VPS13B: variants seen among roughly 807,000 people sequenced by gnomAD.
VPS13B encodes the protein vacuolar protein sorting 13 homolog B.
A neutral mutation model predicts 426.4 loss-of-function variants in VPS13B; 285 were observed. The observed-to-expected ratio is 0.67, with a 90% CI of 0.61 to 0.74. The LOEUF (loss-of-function observed/expected upper bound fraction) is 0.74. Among genes scored for constraint, VPS13B ranks in the 30% least tolerant of loss-of-function variants. VPS13B has a pLI of 0.00. For synonymous variants in VPS13B, 1,676 were observed against 1,676.4 expected (o/e 1.00, Z 0.01); for missense variants, 4,537 against 4,782.6 (o/e 0.95, Z 1.51).
intron 3 of VPS13B, among the ~76,000 whole-genome samples, chr8:99,084,197 G>C (rs1372596306): frequency 6.6e-6 from 1 of 151,750 alleles, no homozygotes; most frequent in East Asian, 1.9e-4. Flanking sequence ...AGGGTGTGTC[G>C]AGGAATTTAT....
chr8:99,586,185 G>C (rs1268599391), intron 33 of VPS13B, among the ~76,000 whole-genome samples: 3 of 152,110 alleles, frequency 2.0e-5, no homozygotes, highest in Non-Finnish European at 2.9e-5. Context: ...CTTCCTGTTT[G>C]TTAAAACAGG....
intron 15 of VPS13B, among the ~76,000 whole-genome samples, 160 bp downstream of exon 15, chr8:99,156,903 A>G (rs941668474): frequency 3.9e-5 from 6 of 152,230 alleles, no homozygotes; most frequent in African/African-American, 1.4e-4. Context: ...AATTAAAGTA[A>G]GTAATAAAAA....
intron 30 of VPS13B, among the ~76,000 whole-genome samples, chr8:99,535,950 A>ATT (rs766421706): frequency 5.6e-5 from 8 of 143,664 alleles, no homozygotes; most frequent in African/African-American, 1.5e-4. Context: ...TTTAATCCAA[A>ATT]TTTTTTTTTT....
At chr8:99,246,104 A>T (rs1343709913) in intron 17 of VPS13B, among the ~76,000 whole-genome samples, 1 of 152,128 alleles carries the variant, frequency 6.6e-6, no homozygotes, top group Admixed American at 6.5e-5. Context: ...ACATGGTTCC[A>T]CTCCATTCTT....
At chr8:99,071,485 A>G (rs371110475) in intron 3 of VPS13B, among the ~76,000 whole-genome samples, 4 of 152,190 alleles carry the variant, frequency 2.6e-5, no homozygotes, top group East Asian at 3.9e-4. Flanking sequence ...ACAAGCATCC[A>G]TGTGGCCACC....
chr8:99,389,098 A>G (rs1487339620), intron 20 of VPS13B, among the ~76,000 whole-genome samples: 3 of 152,082 alleles, frequency 2.0e-5, no homozygotes, highest in East Asian at 1.9e-4. Flanking sequence ...GCAGTGAACC[A>G]AGATTGCACC....
intron 3 of VPS13B, among the ~76,000 whole-genome samples, chr8:99,042,069 G>A (rs1269436985): frequency 6.6e-6 from 1 of 151,792 alleles, no homozygotes; most frequent in Non-Finnish European, 1.5e-5. Context: ...GAACCCAGGA[G>A]GCGGAGGTTG....
At chr8:99,140,961 C>T (rs551079216) in intron 12 of VPS13B, among the ~76,000 whole-genome samples, 186 of 151,954 alleles carry the variant, frequency 1.2e-3, no homozygotes, top group Non-Finnish European at 1.4e-3. Context: ...TAATGACTAC[C>T]TTTCTAGTCT....
At position 99,431,384 on chromosome 8, in the gene VPS13B, A is replaced by G. The variant is rs1817103019; in HGVS notation, c.3083-153A>G. 7.6e-6 allele frequency: 8 copies of G among 1,055,016 alleles called. No homozygotes were observed. In the East Asian group the frequency reaches 8.0e-5, roughly 11 times the overall value. 65.4% of individuals were successfully genotyped at this position (1,055,016 alleles called of 1,614,324 possible). A position where few individuals can be genotyped will look rare whatever the true frequency, so the allele number is the denominator to read the frequency against. The stretch of plus-strand genomic sequence containing the variant: ...TTGAATACTTGCAAAAATCAGTTCT[A>G]TAAGAGAAAATGATGTAAAATGACA... On this transcript the variant is annotated intron_variant, in intron 21 of 61. Coordinates refer to ENST00000357162, the MANE Select transcript of VPS13B (RefSeq NM_152564.5).
chr8:99,454,295 C>T (rs1818343718), intron 23 of VPS13B, among the ~76,000 whole-genome samples: 1 of 152,090 alleles, frequency 6.6e-6, no homozygotes, highest in African/African-American at 2.4e-5. Flanking sequence ...AGTAATCCTC[C>T]TGAGGAGGAC....
intron 4 of VPS13B, among the ~76,000 whole-genome samples, chr8:99,099,369 T>C (rs1254884851): frequency 6.6e-6 from 1 of 152,200 alleles, no homozygotes; most frequent in Non-Finnish European, 1.5e-5. Context: ...GACTACGATG[T>C]TTTTATGTAC....
intron 15 of VPS13B, among the ~76,000 whole-genome samples, chr8:99,165,344 A>G (rs1374449307): frequency 1.3e-5 from 2 of 152,056 alleles, no homozygotes; most frequent in South Asian, 2.1e-4. Context: ...TCTCCCCGAG[A>G]GATGACACTT....
chr8:99,033,917 A>G lies in VPS13B; in HGVS notation c.148-4506A>G, dbSNP rs138832265. ...TCTCAAAAAAAAAAATTATTTGTAT[A>G]TGGTTTCCCTTATTTCTTTGAACAT... On this transcript the variant is annotated intron_variant, in intron 2 of 61. Transcript: ENST00000357162. Among the ~76,000 whole-genome samples, 926 of 152,200 alleles carry G rather than the reference A, an allele frequency of 6.1e-3. 13 individuals carry two copies. Among genetic ancestry groups the G allele is most frequent in the African/African-American group, 0.021 (880 of 41,522 alleles).
At chr8:99,756,959 G>A (rs1339534454) in intron 39 of VPS13B, among the ~76,000 whole-genome samples, 1 of 152,112 alleles carries the variant, frequency 6.6e-6, no homozygotes, top group Admixed American at 6.5e-5. Context: ...ACTTCACTGA[G>A]CCATATTTCA....
intron 19 of VPS13B, among the ~76,000 whole-genome samples, chr8:99,368,106 T>A (rs1777518813): frequency 6.6e-6 from 1 of 152,230 alleles, no homozygotes; most frequent in Non-Finnish European, 1.5e-5. Context: ...TTTCATAAAA[T>A]CAAATGTTTT....
At chr8:99,691,769 C>T (rs942078142) in intron 35 of VPS13B, among the ~76,000 whole-genome samples, 7 of 145,568 alleles carry the variant, frequency 4.8e-5, no homozygotes, top group Non-Finnish European at 1.0e-4. Context: ...AGAGTCAAGA[C>T]CCATCAGTGT....
At chr8:99,378,342 G>C (rs1049828171) in intron 19 of VPS13B, among the ~76,000 whole-genome samples, 1 of 152,060 alleles carries the variant, frequency 6.6e-6, no homozygotes, top group Non-Finnish European at 1.5e-5. Flanking sequence ...AAGGTGCCCA[G>C]ATTTCATATT....
chr8:99,566,175 G>A (rs72674652), intron 31 of VPS13B, among the ~76,000 whole-genome samples: 26,521 of 151,658 alleles, frequency 0.17, 2,831 homozygotes, highest in East Asian at 0.39. Flanking sequence ...ATATAACAGG[G>A]CAGAGATCCT....
chr8:99,558,829 T>C (rs1356808210), intron 31 of VPS13B, among the ~76,000 whole-genome samples: 1 of 152,220 alleles, frequency 6.6e-6, no homozygotes, highest in African/African-American at 2.4e-5. Context: ...TTTGGGTTGG[T>C]TCCAAGTCTT....
Sources: gnomAD v4.1 joint callset for allele counts (sites outside exome capture counted in the v4.1 genomes callset) on GRCh38, gnomAD v4.1.1 for gene constraint, MANE v1.5 for transcripts, NCBI Gene and HGNC (gene_info 2026-07-23, HGNC 2026-07-21) for gene names.